Variants in NRG1 observed in about 807,000 individuals in gnomAD.
NRG1 encodes the protein pro-neuregulin-1, membrane-bound isoform.
In NRG1, 18 loss-of-function variants were observed where a neutral mutation model predicts 63.8. The observed-to-expected ratio is 0.28, with a 90% CI of 0.19 to 0.42. The LOEUF is 0.42. Ranked by LOEUF, NRG1 falls within the 10% of genes least tolerant of loss-of-function variation. NRG1 has a pLI of 1.00. For missense variants in NRG1, 762 were observed against 814.7 expected (o/e 0.94, Z 0.79); for synonymous variants, 302 against 301.3 (o/e 1.00, Z -0.02).
chr8:31,965,755 T>C (rs1035337167), intron 1 of NRG1, among the ~76,000 whole-genome samples: 2 of 152,208 alleles, frequency 1.3e-5, no homozygotes, highest in African/African-American at 4.8e-5. Context: ...GTATAAGAGG[T>C]ATCTCATGTG....
At chr8:31,966,909 G>A (rs541954829) in intron 1 of NRG1, among the ~76,000 whole-genome samples, 3 of 152,038 alleles carry the variant, frequency 2.0e-5, no homozygotes, top group Admixed American at 6.5e-5. Flanking sequence ...CTGCCCTAAC[G>A]GAGAGCCACA....
At chr8:32,608,784 CT>C (rs1313026306) in intron 3 of NRG1, among the ~76,000 whole-genome samples, 1 of 152,198 alleles carries the variant, frequency 6.6e-6, no homozygotes, top group African/African-American at 2.4e-5. Flanking sequence ...ACCTCTCCTA[CT>C]TTCAGACTCC....
At chr8:32,333,892 T>A (rs1434348880) in intron 1 of NRG1, among the ~76,000 whole-genome samples, 4 of 152,246 alleles carry the variant, frequency 2.6e-5, no homozygotes, top group African/African-American at 9.6e-5. Context: ...CAGACCACTA[T>A]GCCTTGGTGT....
At chr8:32,335,676 A>C (rs531026148) in intron 1 of NRG1, among the ~76,000 whole-genome samples, 1 of 152,258 alleles carries the variant, frequency 6.6e-6, no homozygotes. Flanking sequence ...TTATTTCATA[A>C]ATGAGATTCT....
chr8:32,236,429 G>C (rs1218820195), intron 1 of NRG1, among the ~76,000 whole-genome samples: 1 of 152,092 alleles, frequency 6.6e-6, no homozygotes, highest in African/African-American at 2.4e-5. Flanking sequence ...ATATTGAACA[G>C]AGTGTGAAGG....
At chr8:31,780,515 C>G (rs1441402382) in intron 1 of NRG1, among the ~76,000 whole-genome samples, 4 of 152,056 alleles carry the variant, frequency 2.6e-5, no homozygotes, top group Non-Finnish European at 5.9e-5. Flanking sequence ...TCCTGTGGCA[C>G]AAATAGAAAT....
At chr8:31,855,606 A>G (rs988525071) in intron 1 of NRG1, among the ~76,000 whole-genome samples, 7 of 152,140 alleles carry the variant, frequency 4.6e-5, no homozygotes, top group Non-Finnish European at 7.3e-5. Flanking sequence ...CATTTAGTCC[A>G]TTTACATTTA....
chr8:32,452,701 T>G (rs1404230466), intron 1 of NRG1, among the ~76,000 whole-genome samples: 2 of 139,610 alleles, frequency 1.4e-5, no homozygotes, highest in East Asian at 4.5e-4. Flanking sequence ...GAGGGTAATA[T>G]TCTAATGTGT....
intron 1 of NRG1, among the ~76,000 whole-genome samples, chr8:31,934,433 T>C (rs1026065065): frequency 4.1e-5 from 6 of 147,504 alleles, no homozygotes; most frequent in African/African-American, 1.5e-4. Flanking sequence ...TTTTTTTTTT[T>C]TTTTTTTTTT....
chr8:31,858,030 T>A (rs1828090093), intron 1 of NRG1, among the ~76,000 whole-genome samples: 1 of 152,192 alleles, frequency 6.6e-6, no homozygotes, highest in Non-Finnish European at 1.5e-5. Flanking sequence ...CCAGGCATGG[T>A]GGCTCACGCC....
intron 1 of NRG1, among the ~76,000 whole-genome samples, chr8:31,952,409 T>C: frequency 6.6e-6 from 1 of 152,162 alleles, no homozygotes; most frequent in Non-Finnish European, 1.5e-5. Context: ...GCAAAATTTG[T>C]GGTTGGGGTG....
At chr8:32,454,658 G>T (rs1262965155) in intron 1 of NRG1, among the ~76,000 whole-genome samples, 1 of 141,934 alleles carries the variant, frequency 7.0e-6, no homozygotes, top group Admixed American at 7.6e-5. Context: ...CTCCCAACGT[G>T]CTGAGATTAC....
At chr8:31,989,252 T>TAA (rs1426317735) in intron 1 of NRG1, among the ~76,000 whole-genome samples, 1 of 760 alleles carries the variant, frequency 1.3e-3, no homozygotes. Context: ...AGACTCTGTC[T>TAA]CAAAAAAAAA....
chr8:32,559,878 C>T (rs1836036534), intron 1 of NRG1, among the ~76,000 whole-genome samples: 1 of 151,538 alleles, frequency 6.6e-6, no homozygotes, highest in Admixed American at 6.6e-5. Context: ...AACCATTAGC[C>T]AGGCATGGTG....
Position 32,614,583 on chromosome 8 carries a change from G to T in NRG1, c.451+19G>T. ...TCTTCAGGTAAGGAAAATAAGCCTGGCAAATTTTACTAACCAGAATGACAA... is the reference window on the plus strand; with the variant it reads ...TCTTCAGGTAAGGAAAATAAGCCTGTCAAATTTTACTAACCAGAATGACAA... On this transcript the variant is annotated intron_variant, in intron 4 of 11. Transcript: ENST00000356819. 1 of 1,609,386 alleles carries T rather than the reference G, an allele frequency of 6.2e-7. No individual in the cohort carries two copies.
intron 1 of NRG1, among the ~76,000 whole-genome samples, chr8:31,979,735 A>T (rs1200535813): frequency 6.6e-6 from 1 of 152,096 alleles, no homozygotes; most frequent in Non-Finnish European, 1.5e-5. Context: ...TCTTTGGCAT[A>T]CTGTTAATAA....
At chr8:32,283,725 AT>A (rs556255268) in intron 1 of NRG1, among the ~76,000 whole-genome samples, 4 of 151,994 alleles carry the variant, frequency 2.6e-5, no homozygotes, top group South Asian at 2.1e-4. Flanking sequence ...CAGCAAGATA[AT>A]TTTTTTTCTA....
chr8:32,371,570 G>A (rs941508565), intron 1 of NRG1, among the ~76,000 whole-genome samples: 5 of 152,062 alleles, frequency 3.3e-5, no homozygotes, highest in African/African-American at 9.7e-5. Context: ...AGCAGATGGA[G>A]GTGGTCAAGT....
rs1008164695 is a variant in NRG1 at position 32,461,693 on chromosome 8, C to CA, written c.38-134127dup. ...GGCGACAAAAGCGAGACTCTGTCTC[C>CA]AAAAAAAAGAAAAGAAATCCTCAGA... On this transcript the variant is annotated intron_variant, in intron 1 of 10. Coordinates refer to the NRG1 transcript ENST00000519301. Among the ~76,000 whole-genome samples the CA allele has an allele frequency of 7.8e-4, 118 of 151,152 alleles. 3 individuals are homozygous for CA. Among genetic ancestry groups the CA allele is most frequent in the Admixed American group, 2.6e-4 (4 of 15,132 alleles).
Sources: gnomAD v4.1 joint callset for allele counts (sites outside exome capture counted in the v4.1 genomes callset) on GRCh38, gnomAD v4.1.1 for gene constraint, MANE v1.5 for transcripts, NCBI Gene and HGNC (gene_info 2026-07-23, HGNC 2026-07-21) for gene names.